Variants in ZNF532 observed in about 807,000 individuals in gnomAD.
ZNF532 encodes zinc finger protein 532.
A neutral mutation model predicts 89.3 loss-of-function variants in ZNF532; 22 were observed. The observed-to-expected ratio is 0.25, with a 90% CI of 0.18 to 0.35. The LOEUF (loss-of-function observed/expected upper bound fraction) is 0.35, where lower values mean the gene tolerates loss of function less well. ZNF532 is among the 10% of genes least tolerant of loss of function. The probability of loss-of-function intolerance (pLI) is 1.00; values close to 1 mark genes in which losing one functional copy is unlikely to be tolerated. For synonymous variants in ZNF532, 606 were observed against 649.6 expected, an observed-to-expected ratio of 0.93 and a Z score of 1.02; for missense variants, 1,132 against 1,643.4, an observed-to-expected ratio of 0.69 and a Z score of 5.38.
chr18:58,882,847 C>T (rs1461463665), intron 2 of ZNF532, among the ~76,000 whole-genome samples: 1 of 152,212 alleles, frequency 6.6e-6, no homozygotes, highest in African/African-American at 2.4e-5. Context: ...TGCTAAAGCC[C>T]TGGATTCCCA....
intron 5 of ZNF532, among the ~76,000 whole-genome samples, chr18:58,943,269 T>C (rs1314152127): frequency 6.8e-6 from 1 of 146,876 alleles, no homozygotes; most frequent in African/African-American, 2.5e-5. Context: ...TCGCCATTCT[T>C]CTGCCTCAGC....
chr18:58,918,123 G>A (rs1394667498), intron 2 of ZNF532, 148 bp from the exon 3 acceptor site: 1 of 713,832 alleles, frequency 1.4e-6, no homozygotes, highest in Non-Finnish European at 2.3e-6. Context: ...TTGTCCACTT[G>A]GACTCAGAGT....
At chr18:58,933,638 G>GT (rs1205951025) in intron 3 of ZNF532, among the ~76,000 whole-genome samples, 1 of 152,080 alleles carries the variant, frequency 6.6e-6, no homozygotes, top group Non-Finnish European at 1.5e-5. Flanking sequence ...TTTACTTTAA[G>GT]TTTTTTTGGT....
chr18:58,925,564 A>G (rs1362988409), intron 3 of ZNF532, among the ~76,000 whole-genome samples: 1 of 152,194 alleles, frequency 6.6e-6, no homozygotes, highest in Non-Finnish European at 1.5e-5. Flanking sequence ...CGCCCAGTCT[A>G]TAGCTTGTCT....
At chr18:58,959,364 C>T (rs1003882967) in intron 7 of ZNF532, among the ~76,000 whole-genome samples, 16 of 151,348 alleles carry the variant, frequency 1.1e-4, no homozygotes, top group African/African-American at 3.9e-4. Context: ...CCTCCGCCTC[C>T]CAGGCTTAAG....
intron 2 of ZNF532, among the ~76,000 whole-genome samples, chr18:58,903,536 T>C (rs938455540): frequency 2.6e-5 from 4 of 151,552 alleles, no homozygotes; most frequent in Non-Finnish European, 4.4e-5. Flanking sequence ...ATGGTCAAAA[T>C]AGAGGACCGA....
chr18:58,919,900 C>A lies in ZNF532; in HGVS notation c.1613C>A (p.Ser538Tyr). 1 of 1,614,024 alleles carries A rather than the reference C, an allele frequency of 6.2e-7. No homozygotes were observed. Among genetic ancestry groups the A allele is most frequent in the Non-Finnish European group, 8.5e-7 (1 of 1,179,874 alleles). Reference sequence around the variant, plus strand: ...TTGCCTCAGGGTGCCCAGGCCACCTCTGAACTCCGCCAAGTGCTAACCAAA... The same window carrying A: ...TTGCCTCAGGGTGCCCAGGCCACCTATGAACTCCGCCAAGTGCTAACCAAA... The part of the protein sequence containing the change: ...NLLPQGAQAT[S>Y]ELRQVLTKPQ... The change falls in exon 3 of 10, where the codon TCT (serine) becomes TAT (tyrosine). Residue 538 changes from serine (S) to tyrosine (Y), a missense_variant. By Grantham distance (144) the Ser-to-Tyr change is moderately radical (BLOSUM62 -2). Transcript: ENST00000591808. The surrounding 1 kb of genome is among the most constrained non-coding windows in gnomAD (Gnocchi z 6.1).
At chr18:58,940,037 G>A (rs1044552685) in intron 5 of ZNF532, 2 of 155,324 alleles carry the variant, frequency 1.3e-5, no homozygotes, top group African/African-American at 4.8e-5. Context: ...GGGACTACAG[G>A]TGCATGCCAC....
chr18:58,981,439 G>C, intron 8 of ZNF532, 31 bp from the exon 9 acceptor site: 1 of 1,600,976 alleles, frequency 6.2e-7, no homozygotes, highest in Non-Finnish European at 8.5e-7. Flanking sequence ...TTGTCAGCAA[G>C]TGCGTTATCT....
At chr18:58,953,350 C>G (rs940017382) in intron 6 of ZNF532, 168 bp from the exon 7 acceptor site, 5 of 605,676 alleles carry the variant, frequency 8.3e-6, no homozygotes, top group African/African-American at 1.9e-5. Flanking sequence ...AGACTTTTAT[C>G]TCTTTTGAAA....
At chr18:58,938,534 T>C (rs2062666514) in intron 4 of ZNF532, among the ~76,000 whole-genome samples, 1 of 152,248 alleles carries the variant, frequency 6.6e-6, no homozygotes, top group Admixed American at 6.5e-5. Context: ...GGTTTGTAAT[T>C]CATGCAATTT....
At chr18:58,923,857 T>G (rs897411269) in intron 3 of ZNF532, among the ~76,000 whole-genome samples, 1 of 146,084 alleles carries the variant, frequency 6.8e-6, no homozygotes, top group East Asian at 1.9e-4. Flanking sequence ...GTACAACATA[T>G]TCCATATTTT....
intron 5 of ZNF532, among the ~76,000 whole-genome samples, chr18:58,941,719 G>A (rs1257780720): frequency 1.3e-5 from 2 of 151,952 alleles, no homozygotes; most frequent in Non-Finnish European, 2.9e-5. Context: ...TCCTCTCAAA[G>A]TGCTGGGATT....
chr18:58,918,559 A>G lies in ZNF532; in HGVS notation c.272A>G (p.Asn91Ser). Reference sequence around the variant, plus strand: ...AACCCCACTGGCAATGGCTTACATAATGGGTTTCTCACAGCATCCTCCCTT... The same window carrying G: ...AACCCCACTGGCAATGGCTTACATAGTGGGTTTCTCACAGCATCCTCCCTT... ...GHNPTGNGLH[N>S]GFLTASSLDS... The change falls in exon 3 of 10, where the codon AAT (asparagine) becomes AGT (serine). Residue 91 changes from asparagine (N) to serine (S), a missense_variant. Coordinates refer to ENST00000591808, the MANE Select transcript of ZNF532 (RefSeq NM_001375912.1). 1 of 1,614,156 alleles carries G rather than the reference A, an allele frequency of 6.2e-7. No homozygotes were observed. Among genetic ancestry groups the G allele is most frequent in the Non-Finnish European group, 8.5e-7 (1 of 1,180,024 alleles).
At chr18:58,880,763 C>CTGTGTGTGTGTGTGTGTGTGTGTGT (rs770638520) in intron 2 of ZNF532, among the ~76,000 whole-genome samples, 2,198 of 119,426 alleles carry the variant, frequency 0.018, 89 homozygotes, top group Middle Eastern at 0.04. Flanking sequence ...CGCGCGCGCA[C>CTGTGTGTGTGTGTGTGTGTGTGTGT]GCGCGCGCGT....
At chr18:58,983,777 C>G (rs532143454) in intron 9 of ZNF532, among the ~76,000 whole-genome samples, 195 bp from the exon 10 acceptor site, 48 of 152,076 alleles carry the variant, frequency 3.2e-4, no homozygotes, top group Non-Finnish European at 6.2e-4. Context: ...CTGCTAACAG[C>G]TACTAGGTTT....
At chr18:58,950,102 A>G (rs1250677708) in intron 6 of ZNF532, among the ~76,000 whole-genome samples, 1 of 152,240 alleles carries the variant, frequency 6.6e-6, no homozygotes, top group Admixed American at 6.5e-5. Flanking sequence ...ATTTTAACAT[A>G]CTACATGTGT....
chr18:58,966,738 GTTTTTTTTT>G (rs540133909), intron 7 of ZNF532, among the ~76,000 whole-genome samples: 17 of 125,994 alleles, frequency 1.3e-4, no homozygotes, highest in East Asian at 5.6e-4. Context: ...ATTTTTTTGT[GTTTTTTTTT>G]TTTTTTTTTT....
At chr18:58,959,847 T>G (rs1031999654) in intron 7 of ZNF532, among the ~76,000 whole-genome samples, 1 of 152,248 alleles carries the variant, frequency 6.6e-6, no homozygotes, top group Non-Finnish European at 1.5e-5. Flanking sequence ...TAGATTTTTT[T>G]AAAATTAAAT....
Sources: gnomAD v4.1 joint callset for allele counts (sites outside exome capture counted in the v4.1 genomes callset) on GRCh38, gnomAD v4.1.1 for gene constraint, Gnocchi (gnomAD v3.1) non-coding constraint, MANE v1.5 for transcripts, NCBI Gene and HGNC (gene_info 2026-07-23, HGNC 2026-07-21) for gene names.